The following MYO3B variants were observed in gnomAD, a reference collection of about 807,000 sequenced individuals.
MYO3B encodes the protein myosin IIIB.
MYO3B carries 156 observed loss-of-function variants against 174.6 expected under a neutral mutation model. That is an observed-to-expected ratio of 0.89 (90% CI 0.78 to 1.02). The LOEUF is 1.02. MYO3B is among the 50% of genes least tolerant of loss of function. The pLI is 0.00. For missense variants in MYO3B, 1,632 were observed against 1,639.4 expected (o/e 1.00, Z 0.08); for synonymous variants, 563 against 569.1 (o/e 0.99, Z 0.15).
chr2:170,227,581 G>A (rs1233843680), intron 6 of MYO3B, among the ~76,000 whole-genome samples: 2 of 152,200 alleles, frequency 1.3e-5, no homozygotes, highest in African/African-American at 4.8e-5. Flanking sequence ...CACAGTGCCC[G>A]GCCTCCCATA....
intron 32 of MYO3B, among the ~76,000 whole-genome samples, chr2:170,583,333 C>T (rs1019062093): frequency 2.1e-4 from 32 of 152,250 alleles, no homozygotes; most frequent in African/African-American, 7.0e-4. Flanking sequence ...AGTCCTTTCT[C>T]GCTGAGCCTT....
At chr2:170,236,576 G>A (rs1361530380) in intron 7 of MYO3B, among the ~76,000 whole-genome samples, 3 of 152,116 alleles carry the variant, frequency 2.0e-5, no homozygotes, top group African/African-American at 4.8e-5. Flanking sequence ...TTACATCAGC[G>A]CTATATCTTA....
At chr2:170,353,436 A>G (rs540408058) in intron 8 of MYO3B, among the ~76,000 whole-genome samples, 159 of 152,328 alleles carry the variant, frequency 1.0e-3, no homozygotes, top group Non-Finnish European at 1.8e-3. Flanking sequence ...GGTGGAACCC[A>G]CAGGATTTTT....
chr2:170,204,079 A>G (rs926687522), intron 3 of MYO3B, among the ~76,000 whole-genome samples: 2 of 152,194 alleles, frequency 1.3e-5, no homozygotes, highest in African/African-American at 2.4e-5. Context: ...CTCCACTCTG[A>G]TAGAAACTCT....
chr2:170,265,982 A>G (rs1193312292), intron 7 of MYO3B, among the ~76,000 whole-genome samples: 1 of 152,176 alleles, frequency 6.6e-6, no homozygotes, highest in African/African-American at 2.4e-5. Flanking sequence ...TCACTTGTGG[A>G]TGGCACACTT....
chr2:170,424,599 A>C (rs2094646293), intron 22 of MYO3B, among the ~76,000 whole-genome samples: 1 of 151,872 alleles, frequency 6.6e-6, no homozygotes, highest in Non-Finnish European at 1.5e-5. Flanking sequence ...AAAGAGGAAG[A>C]CTCCGCCTCA....
chr2:170,322,896 C>T (rs143690473), intron 7 of MYO3B, among the ~76,000 whole-genome samples: 128 of 152,234 alleles, frequency 8.4e-4, no homozygotes, highest in African/African-American at 2.9e-3. Flanking sequence ...GCTAATTTCC[C>T]CCATTAGAGA....
chr2:170,502,835 C>T (rs78887934), intron 28 of MYO3B, among the ~76,000 whole-genome samples: 5,027 of 152,322 alleles, frequency 0.033, 130 homozygotes, highest in Non-Finnish European at 0.052. Flanking sequence ...AGAAGTCCCT[C>T]CTCGGAACCT....
Position 170,178,359 on chromosome 2 carries a change from G to A in MYO3B, c.2+70G>A, listed in dbSNP as rs907033625. On this transcript the variant is annotated intron_variant, in intron 1 of 34. Transcript: ENST00000408978. ...TTAGATTGTTTTTCTGCAAAGGGCA[G>A]ATGCAGCTGCCCTGGCTGGTGGGCA... The A allele has an allele frequency of 7.5e-6, 12 of 1,604,384 alleles. No homozygotes were observed. In the African/African-American group the frequency reaches 9.4e-5, roughly 13 times the overall value.
At chr2:170,487,458 G>A (rs889584595) in intron 25 of MYO3B, among the ~76,000 whole-genome samples, 2 of 152,136 alleles carry the variant, frequency 1.3e-5, no homozygotes, top group Non-Finnish European at 2.9e-5. Flanking sequence ...TAGATCCTAC[G>A]TCAAGTTTTA....
intron 7 of MYO3B, among the ~76,000 whole-genome samples, chr2:170,258,624 A>G: frequency 6.6e-6 from 1 of 152,210 alleles, no homozygotes; most frequent in East Asian, 1.9e-4. Flanking sequence ...AAAAAGCTGG[A>G]AGCATTTCCC....
chr2:170,541,515 T>C (rs1232199879), intron 30 of MYO3B, among the ~76,000 whole-genome samples: 1 of 152,236 alleles, frequency 6.6e-6, no homozygotes, highest in Non-Finnish European at 1.5e-5. Context: ...GTATGATAGA[T>C]ACAATTAAAG....
At chr2:170,533,510 T>C (rs760041155) in intron 30 of MYO3B, among the ~76,000 whole-genome samples, 8 of 152,166 alleles carry the variant, frequency 5.3e-5, no homozygotes, top group Non-Finnish European at 1.2e-4. Flanking sequence ...AAGTTTCCTT[T>C]TTCTCTACAA....
At chr2:170,513,796 T>C (rs1196134912) in intron 28 of MYO3B, among the ~76,000 whole-genome samples, 1 of 152,074 alleles carries the variant, frequency 6.6e-6, no homozygotes, top group Admixed American at 6.6e-5. Context: ...CTTGAAAGGA[T>C]TGGAGAGACA....
chr2:170,353,023 C>T (rs541638391), intron 8 of MYO3B, among the ~76,000 whole-genome samples: 1 of 152,278 alleles, frequency 6.6e-6, no homozygotes, highest in South Asian at 2.1e-4. Context: ...TAAACATATG[C>T]TTACCGTAGG....
chr2:170,297,550 A>C (rs181750546), intron 7 of MYO3B, among the ~76,000 whole-genome samples: 1 of 152,344 alleles, frequency 6.6e-6, no homozygotes, highest in Admixed American at 6.5e-5. Flanking sequence ...TAATTTACTG[A>C]CTGATAGAGG....
At chr2:170,558,332 T>C (rs551753974) in intron 32 of MYO3B, among the ~76,000 whole-genome samples, 2 of 148,812 alleles carry the variant, frequency 1.3e-5, no homozygotes, top group East Asian at 3.9e-4. Flanking sequence ...AAAACGAAAA[T>C]GGACAGTATA....
intron 7 of MYO3B, among the ~76,000 whole-genome samples, chr2:170,280,347 T>G (rs367879700): frequency 6.6e-6 from 1 of 152,142 alleles, no homozygotes; most frequent in Non-Finnish European, 1.5e-5. Context: ...AAATTTCTTA[T>G]AGATGCTACA....
At chr2:170,321,276 A>G (rs935201269) in intron 7 of MYO3B, among the ~76,000 whole-genome samples, 4 of 152,256 alleles carry the variant, frequency 2.6e-5, no homozygotes, top group Admixed American at 6.5e-5. Flanking sequence ...AAATCTAAAT[A>G]AAACATAAGA....
Sources: allele counts gnomAD v4.1 joint callset (sites outside exome capture counted in the v4.1 genomes callset), GRCh38; gene constraint gnomAD v4.1.1; transcripts MANE v1.5; gene names NCBI Gene and HGNC (gene_info 2026-07-23, HGNC 2026-07-21).